ATP8A2: variants seen among roughly 807,000 people sequenced by gnomAD.
ATP8A2 encodes the protein ATPase phospholipid transporting 8A2, also known as phospholipid-transporting ATPase IB.
In ATP8A2, 100 loss-of-function variants were observed where a neutral mutation model predicts 165.6. The observed-to-expected ratio is 0.60, with a 90% CI of 0.51 to 0.71. The LOEUF is 0.71. Among genes scored for constraint, ATP8A2 ranks in the 30% least tolerant of loss-of-function variants. ATP8A2 has a pLI of 0.00. For synonymous variants in ATP8A2, 543 were observed against 548.8 expected, an observed-to-expected ratio of 0.99 and a Z score of 0.15; for missense variants, 1,227 against 1,479.5, an observed-to-expected ratio of 0.83 and a Z score of 2.80.
At chr13:25,515,432 G>A (rs1048536477) in intron 2 of ATP8A2, among the ~76,000 whole-genome samples, 50 of 152,246 alleles carry the variant, frequency 3.3e-4, no homozygotes, top group African/African-American at 1.1e-3. Context: ...GCTAGAGCCC[G>A]TTCTTCCTGC....
intron 6 of ATP8A2, among the ~76,000 whole-genome samples, chr13:25,536,154 C>T (rs898387862): frequency 6.6e-6 from 1 of 152,114 alleles, no homozygotes; most frequent in African/African-American, 2.4e-5. Context: ...CTCTGTTGCT[C>T]AGGCTGGAGT....
chr13:25,405,255 G>A (rs1158687255), intron 1 of ATP8A2, among the ~76,000 whole-genome samples: 1 of 152,170 alleles, frequency 6.6e-6, no homozygotes. Context: ...CTTTCCAAAA[G>A]CTCAGCTTCA....
chr13:25,569,673 A>G (rs2138170428), intron 16 of ATP8A2, among the ~76,000 whole-genome samples: 1 of 152,324 alleles, frequency 6.6e-6, no homozygotes, highest in South Asian at 2.1e-4. Flanking sequence ...TTTGTGGGTG[A>G]TATAATTGTC....
rs552852070 is a variant in ATP8A2 at position 25,400,570 on chromosome 13, C to T, written c.76+28282C>T. On this transcript the variant is annotated intron_variant, in intron 1 of 36. Transcript: ENST00000381655. ...AATATACACAATATTGTTGCTAACA[C>T]TTCTTTGCTTTCTTAACCAGAGGAT... 1.1e-4 allele frequency among the ~76,000 whole-genome samples: 16 copies of T among 152,362 alleles called. No homozygotes were observed. In the South Asian group the frequency reaches 3.3e-3, roughly 32 times the overall value.
rs1489962101 is a variant in ATP8A2, at chr13:25,469,236, A to G, written c.221+115A>G. On this transcript the variant is annotated intron_variant, in intron 2 of 36. Coordinates refer to ENST00000381655, the MANE Select transcript of ATP8A2 (RefSeq NM_016529.6). ...TGGCCGGCCCCCGTCCATCTCCCCC[A>G]GAGCCTTCCCCTGCCCCCTCCCCAC... 4 of 1,250,542 alleles carry G rather than the reference A, an allele frequency of 3.2e-6. No individual in the cohort carries two copies. In the African/African-American group the frequency reaches 9.2e-5, roughly 29 times the overall value. 77.5% of individuals were successfully genotyped at this position (1,250,542 alleles called of 1,614,324 possible).
intron 6 of ATP8A2, among the ~76,000 whole-genome samples, chr13:25,534,810 A>T (rs1391323577): frequency 6.6e-6 from 1 of 152,156 alleles, no homozygotes; most frequent in African/African-American, 2.4e-5. Flanking sequence ...CATCCCAGTC[A>T]CCGTCCACAG....
chr13:25,376,978 AGGCCGTCTTCTACCCCACAGGT>A (rs1367833486), intron 1 of ATP8A2, among the ~76,000 whole-genome samples: 3 of 152,208 alleles, frequency 2.0e-5, no homozygotes, highest in Non-Finnish European at 4.4e-5. Flanking sequence ...CCTGACTACA[AGGCCGTCTTCTACCCCACAGGT>A]GGCCAATAAG....
intron 24 of ATP8A2, among the ~76,000 whole-genome samples, chr13:25,595,018 G>A (rs961994523): frequency 2.0e-4 from 29 of 146,590 alleles, no homozygotes; most frequent in African/African-American, 2.6e-4. Flanking sequence ...GTATGTATGC[G>A]TATATGTATA....
chr13:25,417,393 A>G (rs1190564440), intron 1 of ATP8A2, among the ~76,000 whole-genome samples: 2 of 152,098 alleles, frequency 1.3e-5, no homozygotes, highest in Non-Finnish European at 2.9e-5. Flanking sequence ...TGGGCTTGAC[A>G]CTGGCCAGTT....
At chr13:25,926,384 C>A (rs1014075965) in intron 33 of ATP8A2, among the ~76,000 whole-genome samples, 2 of 152,168 alleles carry the variant, frequency 1.3e-5, no homozygotes, top group African/African-American at 4.8e-5. Context: ...TGATCACTCT[C>A]CACTCCTCCC....
At chr13:25,393,377 A>G (rs1297219453) in intron 1 of ATP8A2, among the ~76,000 whole-genome samples, 1 of 151,798 alleles carries the variant, frequency 6.6e-6, no homozygotes, top group Non-Finnish European at 1.5e-5. Flanking sequence ...TACTGGGATT[A>G]CCAGTGTGAG....
chr13:25,646,847 C>T (rs1006074529), intron 24 of ATP8A2, among the ~76,000 whole-genome samples: 14 of 151,938 alleles, frequency 9.2e-5, no homozygotes, highest in African/African-American at 2.4e-4. Flanking sequence ...GTGGTTTGAT[C>T]GTTTTCTGTA....
chr13:26,001,808 AT>A (rs1956635673), intron 35 of ATP8A2, among the ~76,000 whole-genome samples: 1 of 152,034 alleles, frequency 6.6e-6, no homozygotes, highest in Non-Finnish European at 1.5e-5. Flanking sequence ...ATTTTCTCCC[AT>A]TTTGTAGTTG....
At chr13:25,715,191 A>G (rs2043230996) in intron 25 of ATP8A2, among the ~76,000 whole-genome samples, 1 of 152,178 alleles carries the variant, frequency 6.6e-6, no homozygotes, top group African/African-American at 2.4e-5. Flanking sequence ...GTGCAAGATG[A>G]GGCTGGAGGA....
intron 2 of ATP8A2, among the ~76,000 whole-genome samples, chr13:25,524,886 A>ACTTCCTTCCTTCCTTCCTTC (rs58154499): frequency 3.5e-5 from 5 of 141,620 alleles, no homozygotes; most frequent in African/African-American, 8.0e-5. Flanking sequence ...TTGTTTGATA[A>ACTTCCTTCCTTCCTTCCTTC]CTTCCTTCCT....
intron 1 of ATP8A2, among the ~76,000 whole-genome samples, chr13:25,408,402 A>G (rs1020341564): frequency 2.0e-5 from 3 of 151,496 alleles, no homozygotes; most frequent in Non-Finnish European, 4.4e-5. Context: ...AAAAAAAAAA[A>G]AGCTTGTGCA....
intron 33 of ATP8A2, among the ~76,000 whole-genome samples, chr13:25,901,571 T>G (rs944499363): frequency 1.3e-5 from 2 of 152,000 alleles, no homozygotes; most frequent in Admixed American, 6.6e-5. Flanking sequence ...AAATAAAAAT[T>G]TTAATTATCT....
chr13:25,682,290 CT>C (rs2042507645), intron 24 of ATP8A2, among the ~76,000 whole-genome samples: 1 of 152,092 alleles, frequency 6.6e-6, no homozygotes, highest in Non-Finnish European at 1.5e-5. Context: ...TGCCTCCCCC[CT>C]CCTCTGCAAA....
chr13:25,599,944 C>A (rs1212416083), intron 24 of ATP8A2, among the ~76,000 whole-genome samples: 1 of 152,184 alleles, frequency 6.6e-6, no homozygotes, highest in Non-Finnish European at 1.5e-5. Context: ...CTGATACCAA[C>A]TATAGGAACA....
Sources: gnomAD v4.1 joint callset for allele counts (sites outside exome capture counted in the v4.1 genomes callset) on GRCh38, gnomAD v4.1.1 for gene constraint, MANE v1.5 for transcripts, NCBI Gene and HGNC (gene_info 2026-07-23, HGNC 2026-07-21) for gene names.